GABRA2: variants seen among roughly 807,000 people sequenced by gnomAD.
The protein encoded by GABRA2 is gamma-aminobutyric acid receptor subunit alpha-2.
Under a neutral mutation model 48.7 loss-of-function variants are expected in GABRA2, and 16 were observed. That is an observed-to-expected ratio of 0.33 (90% confidence interval 0.22 to 0.50). GABRA2 has a LOEUF of 0.50. Ranked by LOEUF, GABRA2 falls within the 20% of genes least tolerant of loss-of-function variation. The probability of loss-of-function intolerance (pLI) is 0.98; values close to 1 mark genes in which losing one functional copy is unlikely to be tolerated. For synonymous variants in GABRA2, 185 were observed against 184.5 expected (o/e 1.00, Z -0.02); for missense variants, 275 against 535.6 (o/e 0.51, Z 4.80).
At chr4:46,371,776 T>TACC (rs1057241784) in intron 3 of GABRA2, among the ~76,000 whole-genome samples, 2 of 152,194 alleles carry the variant, frequency 1.3e-5, no homozygotes, top group African/African-American at 4.8e-5. Context: ...AAATAAAGTT[T>TACC]ACCACCACCA....
intron 4 of GABRA2, among the ~76,000 whole-genome samples, chr4:46,326,070 C>T (rs1730320420): frequency 6.6e-6 from 1 of 151,768 alleles, no homozygotes; most frequent in African/African-American, 2.4e-5. Context: ...CTTTGGCTCC[C>T]TGTGAATTTT....
chr4:46,368,941 G>C (rs1308780826), intron 3 of GABRA2: 1 of 696,282 alleles, frequency 1.4e-6, no homozygotes. Context: ...GAGCATTTGA[G>C]TTTGGGTCCC....
chr4:46,279,582 T>TA (rs981193452), intron 8 of GABRA2, among the ~76,000 whole-genome samples: 4 of 152,120 alleles, frequency 2.6e-5, no homozygotes, highest in Non-Finnish European at 2.9e-5. Context: ...TGATATGTCA[T>TA]AAAAAATCTT....
intron 9 of GABRA2, among the ~76,000 whole-genome samples, chr4:46,257,475 A>C (rs1341808594): frequency 6.6e-6 from 1 of 151,620 alleles, no homozygotes; most frequent in East Asian, 1.9e-4. Context: ...TACCTATTAG[A>C]TGTGTGATTC....
chr4:46,310,306 A>T (rs772197043), intron 5 of GABRA2, 51 bp from the exon 6 acceptor site: 3 of 1,359,752 alleles, frequency 2.2e-6, no homozygotes, highest in African/African-American at 2.9e-5. Context: ...AAGTCAAGAA[A>T]AATCACTCGT....
At chr4:46,281,326 G>C (rs1266012823) in intron 8 of GABRA2, among the ~76,000 whole-genome samples, 1 of 152,102 alleles carries the variant, frequency 6.6e-6, no homozygotes, top group African/African-American at 2.4e-5. Context: ...ATGGCAGAAA[G>C]TCACAATAAA....
rs1717976975 is a variant in GABRA2 at position 46,389,794 on chromosome 4, GAA to G, written c.-72_-71del. ...TTTTGCCCTGATCTTGACGAGATAG[GAA>G]ACTTGGGAGAGAGAGAGAGAGAGAG... is the stretch of plus-strand genomic sequence containing the variant. On this transcript the variant is annotated 5_prime_UTR_variant, in exon 1 of 10. Coordinates refer to ENST00000381620, the MANE Select transcript of GABRA2 (RefSeq NM_000807.4). 2 of 675,298 alleles carry G rather than the reference GAA, an allele frequency of 3.0e-6. No homozygotes were observed. The highest frequency in any genetic ancestry group is 2.0e-4 in the Admixed American group (2 of 10,006). 41.8% of individuals were successfully genotyped at this position (675,298 alleles called of 1,614,324 possible). A position where few individuals can be genotyped will look rare whatever the true frequency, so the allele number is the denominator to read the frequency against.
At chr4:46,325,272 T>C (rs1409989773) in intron 4 of GABRA2, among the ~76,000 whole-genome samples, 1 of 151,932 alleles carries the variant, frequency 6.6e-6, no homozygotes, top group Admixed American at 6.6e-5. Flanking sequence ...CTTTTTATAA[T>C]TGCCATCTGA....
rs756753962 is a variant in GABRA2 at position 46,283,793 on chromosome 4, T to A, written c.856+19667A>T. The stretch of plus-strand genomic sequence containing the variant: ...TTTGTTTTTTGAGACGGAGTCTCAC[T>A]CTGTCACCCAGGCCGGAGTGCAGTG... On this transcript the variant is annotated intron_variant, in intron 8 of 9. Transcript: ENST00000381620. Among the ~76,000 whole-genome samples, 107 of 152,240 alleles carry A rather than the reference T, an allele frequency of 7.0e-4. 1 individual carries two copies. The highest frequency in any genetic ancestry group is 7.9e-4 in the Non-Finnish European group (54 of 68,040).
At chr4:46,268,692 T>C (rs756723781) in intron 8 of GABRA2, among the ~76,000 whole-genome samples, 1 of 151,900 alleles carries the variant, frequency 6.6e-6, no homozygotes. Context: ...TCTGGGAATT[T>C]ACCCCAAAGA....
At chr4:46,387,100 CT>C (rs201256364) in intron 2 of GABRA2, among the ~76,000 whole-genome samples, 1 of 151,248 alleles carries the variant, frequency 6.6e-6, no homozygotes, top group African/African-American at 2.4e-5. Context: ...TTTTCATTGT[CT>C]TTTTTTTTCT....
At position 46,245,150 on chromosome 4, in the gene GABRA2, C is replaced by A. The variant is rs149361422; in HGVS notation, c.*5158G>T. On this transcript the variant is annotated 3_prime_UTR_variant, in exon 10 of 10. Transcript: ENST00000381620. ...TTCAAGAATCACACAGTGATGATGG[C>A]TGCTGTGAGGACTGAATGAACTAAT... 8.6e-3 allele frequency among the ~76,000 whole-genome samples: 1,303 copies of A among 151,244 alleles called. 16 individuals carry two copies. The highest frequency in any genetic ancestry group is 0.03 in the African/African-American group (1,235 of 41,432).
intron 9 of GABRA2, among the ~76,000 whole-genome samples, chr4:46,259,325 C>A (rs746594922): frequency 6.6e-6 from 1 of 151,736 alleles, no homozygotes; most frequent in Non-Finnish European, 1.5e-5. Context: ...TCTGATCCAG[C>A]ACTGTATTTT....
intron 8 of GABRA2, among the ~76,000 whole-genome samples, chr4:46,281,600 T>C (rs1327386848): frequency 6.6e-6 from 1 of 152,158 alleles, no homozygotes; most frequent in Non-Finnish European, 1.5e-5. Flanking sequence ...GTCAAGTAAA[T>C]TGGCCTGAGA....
At chr4:46,271,763 T>C (rs576253126) in intron 8 of GABRA2, among the ~76,000 whole-genome samples, 2 of 152,018 alleles carry the variant, frequency 1.3e-5, no homozygotes, top group East Asian at 1.9e-4. Flanking sequence ...ATCACGGATT[T>C]AATTTATCCA....
At chr4:46,281,957 G>T (rs1350506990) in intron 8 of GABRA2, among the ~76,000 whole-genome samples, 1 of 152,170 alleles carries the variant, frequency 6.6e-6, no homozygotes, top group Non-Finnish European at 1.5e-5. Context: ...GAGAAGGAAT[G>T]CATCCTGGTG....
At chr4:46,330,625 T>C (rs905159579) in intron 4 of GABRA2, among the ~76,000 whole-genome samples, 6 of 138,876 alleles carry the variant, frequency 4.3e-5, no homozygotes, top group Non-Finnish European at 8.0e-5. Context: ...TTAGGTAAAA[T>C]AATTCACTTT....
intron 3 of GABRA2, among the ~76,000 whole-genome samples, chr4:46,372,241 G>A (rs1286872693): frequency 6.6e-6 from 1 of 152,120 alleles, no homozygotes; most frequent in Non-Finnish European, 1.5e-5. Flanking sequence ...GGGCAGAAAT[G>A]TGCCCAATGC....
At chr4:46,386,249 A>G (rs1017370392) in intron 2 of GABRA2, 60 bp from the exon 3 acceptor site, 26 of 981,196 alleles carry the variant, frequency 2.6e-5, no homozygotes, top group Non-Finnish European at 3.7e-5. Context: ...AAATGCCAAC[A>G]TGCTTTTCTT....
Sources: gnomAD v4.1 joint callset for allele counts (sites outside exome capture counted in the v4.1 genomes callset) on GRCh38, gnomAD v4.1.1 for gene constraint, MANE v1.5 for transcripts, NCBI Gene and HGNC (gene_info 2026-07-23, HGNC 2026-07-21) for gene names.